FAT4: variants seen among roughly 807,000 people sequenced by gnomAD.
The protein encoded by FAT4 is FAT atypical cadherin 4.
FAT4 carries 84 observed loss-of-function variants against 303.9 expected under a neutral mutation model. The observed-to-expected ratio is 0.28, with a 90% confidence interval of 0.23 to 0.33. The LOEUF (loss-of-function observed/expected upper bound fraction) is 0.33, where lower values mean the gene tolerates loss of function less well. FAT4 is among the 10% of genes least tolerant of loss of function. The pLI is 1.00. For missense variants in FAT4, 6,005 were observed against 6,146.8 expected (o/e 0.98, Z 0.77); for synonymous variants, 2,307 against 2,298.8 (o/e 1.00, Z -0.10).
intron 7 of FAT4, among the ~76,000 whole-genome samples, chr4:125,429,309 G>T (rs1196602423): frequency 6.6e-6 from 1 of 152,116 alleles, no homozygotes; most frequent in East Asian, 1.9e-4. Flanking sequence ...CAGAGCACAA[G>T]ACCTAATGGT....
chr4:125,416,684 G>T, intron 7 of FAT4, 62 bp downstream of exon 7: 1 of 1,551,842 alleles, frequency 6.4e-7, no homozygotes, highest in Non-Finnish European at 8.8e-7. Flanking sequence ...GGTGGCTCAT[G>T]CCTGTAACCC....
At chr4:125,425,343 G>T (rs1225508587) in intron 7 of FAT4, among the ~76,000 whole-genome samples, 2 of 152,080 alleles carry the variant, frequency 1.3e-5, no homozygotes, top group Non-Finnish European at 2.9e-5. Flanking sequence ...AACAGGTGAT[G>T]ATTTCTTAAC....
chr4:125,321,677 A>G, intron 2 of FAT4, 91 bp downstream of exon 2: 5 of 1,245,340 alleles, frequency 4.0e-6, no homozygotes, highest in Non-Finnish European at 5.4e-6. Context: ...GTTTACCTTC[A>G]TTGTTTATTG....
In FAT4 at chr4:125,408,765, T is replaced by C. The variant is rs779415593; in HGVS notation, c.5891T>C (p.Leu1964Pro). 12 of 1,577,210 alleles carry C rather than the reference T, an allele frequency of 7.6e-6. No individual in the cohort carries two copies. Among genetic ancestry groups the C allele is most frequent in the Non-Finnish European group, 1.0e-5 (12 of 1,160,288 alleles). ...AATCTACCTGTGGGATCTACTGTTC[T>C]TGTGTTTAATGTTACTGATGCAGAT... ...MENLPVGSTVLVFNVTDADDG... is the reference protein window; with the variant it reads ...MENLPVGSTVPVFNVTDADDG... Residue 1964 changes from leucine to proline, a missense_variant, in exon 5 of 18, where the codon CTT becomes CCT. Leu to Pro is a moderately conservative substitution (Grantham distance 98, BLOSUM62 -3). Coordinates refer to ENST00000394329, the MANE Select transcript of FAT4 (RefSeq NM_001291303.3).
chr4:125,466,899 C>T (rs896712280), intron 11 of FAT4, among the ~76,000 whole-genome samples: 4 of 151,882 alleles, frequency 2.6e-5, no homozygotes, highest in South Asian at 2.1e-4. Flanking sequence ...CTCAGCCTCC[C>T]GAGTAGCTGT....
At chr4:125,443,709 T>C (rs1725736607) in intron 8 of FAT4, among the ~76,000 whole-genome samples, 1 of 152,132 alleles carries the variant, frequency 6.6e-6, no homozygotes. Flanking sequence ...AGCATAAATG[T>C]TTAACTGTTA....
At chr4:125,381,757 A>C (rs1402468129) in intron 2 of FAT4, among the ~76,000 whole-genome samples, 2 of 152,194 alleles carry the variant, frequency 1.3e-5, no homozygotes, top group Admixed American at 6.5e-5. Context: ...TCTCTGTAGC[A>C]TTCAATACTG....
intron 8 of FAT4, among the ~76,000 whole-genome samples, chr4:125,438,544 T>G (rs1725538166): frequency 2.0e-5 from 3 of 152,164 alleles, no homozygotes; most frequent in Admixed American, 6.5e-5. Flanking sequence ...ACCCCATCAG[T>G]GAAAATCTTA....
At chr4:125,366,895 C>CT (rs1288396806) in intron 2 of FAT4, among the ~76,000 whole-genome samples, 6 of 151,468 alleles carry the variant, frequency 4.0e-5, no homozygotes, top group South Asian at 2.1e-4. Context: ...ATATGTATGT[C>CT]TTTTTTTTGA....
chr4:125,370,917 A>G lies in FAT4; in HGVS notation c.5176-27867A>G, dbSNP rs945116771. Among the ~76,000 whole-genome samples the G allele has an allele frequency of 1.4e-4, 22 of 152,078 alleles. 1 individual carries two copies. Among genetic ancestry groups the G allele is most frequent in the Admixed American group, 1.4e-3 (21 of 15,256 alleles). ...TCCCAGCACTTTGGGAGGCCAAGGCAGGCGGGTCACCTGAGGTCAGGAGTT... is the reference window on the plus strand; with the variant it reads ...TCCCAGCACTTTGGGAGGCCAAGGCGGGCGGGTCACCTGAGGTCAGGAGTT... On this transcript the variant is annotated intron_variant, in intron 2 of 17. Coordinates refer to ENST00000394329, the MANE Select transcript of FAT4 (RefSeq NM_001291303.3).
chr4:125,415,682 C>T lies in FAT4; in HGVS notation c.6719C>T (p.Thr2240Ile), dbSNP rs774192877. 1 of 1,614,044 alleles carries T rather than the reference C, an allele frequency of 6.2e-7. No individual in the cohort carries two copies. Among genetic ancestry groups the T allele is most frequent in the Non-Finnish European group, 8.5e-7 (1 of 1,179,968 alleles). The stretch of plus-strand genomic sequence containing the variant: ...ACAGATCGAGGCAGCACACCCAGAA[C>T]TGATACCTCCACGGTCAGCATTGTT... ...QATDRGSTPR[T>I]DTSTVSIVLL... Residue 2240 changes from threonine to isoleucine, a missense_variant, in exon 6 of 18, where the codon ACT becomes ATT. Transcript: ENST00000394329.
intron 2 of FAT4, among the ~76,000 whole-genome samples, chr4:125,364,430 A>G (rs1732788170): frequency 2.0e-5 from 3 of 152,138 alleles, no homozygotes; most frequent in African/African-American, 7.2e-5. Context: ...GCCAGTTATT[A>G]ATAACGTATT....
At position 125,318,613 on chromosome 4, in the gene FAT4, T is replaced by C; in HGVS notation, c.2202T>C (p.Ser734=). The change falls in exon 2 of 18, where the codon TCT becomes TCC. Residue 734 remains serine, a synonymous_variant. Coordinates refer to ENST00000394329, the MANE Select transcript of FAT4 (RefSeq NM_001291303.3). ...VKYSISAGDR[S]RFQVNAQSGV... ...ATAGCATATCTGCTGGGGACAGGTC[T>C]CGGTTTCAGGTCAATGCTCAGAGTG... 1 of 1,614,150 alleles carries C rather than the reference T, an allele frequency of 6.2e-7. No individual in the cohort carries two copies. Among genetic ancestry groups the C allele is most frequent in the Non-Finnish European group, 8.5e-7 (1 of 1,180,028 alleles).
At position 125,456,414 on chromosome 4, in the gene FAT4, G is replaced by A. The variant is rs147471027; in HGVS notation, c.11800+3604G>A. The stretch of plus-strand genomic sequence containing the variant: ...TAGTAGGAGATAATCCAACTGATCA[G>A]GAATGATATAAACAAACATAAAATT... On this transcript the variant is annotated intron_variant, in intron 10 of 17. Coordinates refer to ENST00000394329, the MANE Select transcript of FAT4 (RefSeq NM_001291303.3). Among the ~76,000 whole-genome samples, 522 of 152,078 alleles carry A rather than the reference G, an allele frequency of 3.4e-3. 3 individuals are homozygous for A. Among genetic ancestry groups the A allele is most frequent in the African/African-American group, 0.012 (498 of 41,486 alleles).
intron 2 of FAT4, among the ~76,000 whole-genome samples, chr4:125,322,291 A>G (rs950319434): frequency 1.3e-5 from 2 of 152,162 alleles, no homozygotes; most frequent in Non-Finnish European, 2.9e-5. Flanking sequence ...ACTGAGTTCA[A>G]TGCCATGGGA....
At chr4:125,330,594 A>G (rs1215696758) in intron 2 of FAT4, among the ~76,000 whole-genome samples, 1 of 152,234 alleles carries the variant, frequency 6.6e-6, no homozygotes, top group Non-Finnish European at 1.5e-5. Context: ...ATTAATTTCT[A>G]CGAGGGCAGA....
At chr4:125,362,291 G>A (rs771300897) in intron 2 of FAT4, among the ~76,000 whole-genome samples, 1 of 152,020 alleles carries the variant, frequency 6.6e-6, no homozygotes, top group Non-Finnish European at 1.5e-5. Flanking sequence ...TTTCAAGAGG[G>A]CAAGACTGTA....
At chr4:125,453,754 A>T (rs1726182954) in intron 10 of FAT4, among the ~76,000 whole-genome samples, 1 of 152,146 alleles carries the variant, frequency 6.6e-6, no homozygotes, top group Admixed American at 6.6e-5. Flanking sequence ...GGTAGAAAGC[A>T]CAATAGGCTT....
chr4:125,381,583 C>T (rs2125999296), intron 2 of FAT4, among the ~76,000 whole-genome samples: 1 of 152,282 alleles, frequency 6.6e-6, no homozygotes, highest in Non-Finnish European at 1.5e-5. Flanking sequence ...GAGCCTTCAG[C>T]AAGTTGTCCT....
Sources: allele counts gnomAD v4.1 joint callset (sites outside exome capture counted in the v4.1 genomes callset), GRCh38; gene constraint gnomAD v4.1.1; transcripts MANE v1.5; gene names NCBI Gene and HGNC (gene_info 2026-07-23, HGNC 2026-07-21).